The following MGAT1 variants were observed in gnomAD, a reference collection of about 807,000 sequenced individuals.
MGAT1 encodes alpha-1,3-mannosyl-glycoprotein 2-beta-N-acetylglucosaminyltransferase, also known as N-glycosyl-oligosaccharide-glycoprotein N-acetylglucosaminyltransferase I.
A neutral mutation model predicts 31.7 loss-of-function variants in MGAT1; 14 were observed. The observed-to-expected ratio is 0.44, with a 90% confidence interval of 0.29 to 0.69. The LOEUF is 0.69. Ranked by LOEUF, MGAT1 falls within the 30% of genes least tolerant of loss-of-function variation. The probability of loss-of-function intolerance (pLI) is 0.12; values close to 1 mark genes in which losing one functional copy is unlikely to be tolerated. For synonymous variants in MGAT1, 338 were observed against 276.0 expected, an observed-to-expected ratio of 1.22 and a Z score of -2.23; for missense variants, 557 against 626.0, an observed-to-expected ratio of 0.89 and a Z score of 1.18.
Position 180,808,017 on chromosome 5 carries a change from T to A in MGAT1, c.-127+631A>T, listed in dbSNP as rs576161215. On this transcript the variant is annotated intron_variant, in intron 2 of 2. Transcript: ENST00000333055. Reference sequence around the variant, plus strand: ...CTTGTAAGGGACCTGGAAAGTCAGTTTTCCCCCATTTTGTAGGTGAAGAGA... The same window carrying A: ...CTTGTAAGGGACCTGGAAAGTCAGTATTCCCCCATTTTGTAGGTGAAGAGA... Among the ~76,000 whole-genome samples, 4 of 152,342 alleles carry A rather than the reference T, an allele frequency of 2.6e-5. No homozygotes were observed. In the East Asian group the frequency reaches 7.7e-4, roughly 29 times the overall value.
chr5:180,809,168 C>G (rs1772259194), intron 1 of MGAT1: 1 of 152,190 alleles, frequency 6.6e-6, no homozygotes, highest in Non-Finnish European at 1.5e-5. Flanking sequence ...ACCTAAGAGT[C>G]CATACTAGGC....
intron 1 of MGAT1, among the ~76,000 whole-genome samples, chr5:180,793,961 CAAAAATCCCAAT>C (rs1447712175): frequency 1.3e-5 from 2 of 152,104 alleles, no homozygotes; most frequent in Non-Finnish European, 2.9e-5. Context: ...TCAGCATCAT[CAAAAATCCCAAT>C]AAAAATACCT....
Position 180,792,425 on chromosome 5 carries a change from A to G in MGAT1, c.547T>C (p.Tyr183His). The change falls in exon 2 of 2, where the codon TAC becomes CAC. Residue 183 changes from tyrosine to histidine, a missense_variant. Physicochemically the swap from Tyr to His is moderately conservative, Grantham distance 83. Coordinates refer to ENST00000307826, the MANE Select transcript of MGAT1 (RefSeq NM_002406.4). ...CAGCGGTAGTGGCGCGCGATCTTGTAGTAGCCCTGGAACTTGCGGTGGTCC... is the reference window on the plus strand; with the variant it reads ...CAGCGGTAGTGGCGCGCGATCTTGTGGTAGCCCTGGAACTTGCGGTGGTCC... ...PPDHRKFQGY[Y>H]KIARHYRWAL... 5.0e-6 allele frequency: 8 copies of G among 1,611,704 alleles called. No individual in the cohort carries two copies. The highest frequency in any genetic ancestry group is 6.8e-6 in the Non-Finnish European group (8 of 1,178,790).
At chr5:180,809,473 A>C (rs1772301162) in intron 1 of MGAT1, 1 of 152,038 alleles carries the variant, frequency 6.6e-6, no homozygotes, top group Non-Finnish European at 1.5e-5. Context: ...GAATCTCCCA[A>C]GCTTCTTAGG....
rs1278718894 is a variant in MGAT1 at position 180,790,566 on chromosome 5, T to C, written c.*1068A>G. ...TATTTTTCAGACAATTCAGCCTTTA[T>C]TTTAGAAAATAATTCTGTAGCTTCC... On this transcript the variant is annotated 3_prime_UTR_variant, in exon 2 of 2. Transcript: ENST00000307826. The C allele has an allele frequency of 2.0e-5, 3 of 152,310 alleles. No individual in the cohort carries two copies. The highest frequency in any genetic ancestry group is 6.5e-5 in the Admixed American group (1 of 15,292). 9.4% of individuals were successfully genotyped at this position (152,310 alleles called of 1,614,324 possible).
chr5:180,798,604 T>C (rs957185776), intron 1 of MGAT1, among the ~76,000 whole-genome samples: 11 of 152,240 alleles, frequency 7.2e-5, no homozygotes, highest in Admixed American at 1.3e-4. Context: ...CCACAGTTCC[T>C]CAACTGTAAC....
chr5:180,810,394 T>C (rs1195510335), intron 1 of MGAT1: 1 of 151,934 alleles, frequency 6.6e-6, no homozygotes, highest in African/African-American at 2.4e-5. Flanking sequence ...CAGAACCAGG[T>C]TGTGAGAAGG....
At position 180,787,085 on chromosome 5, in the gene MGAT1, T is replaced by C. The variant is rs1767616661; in HGVS notation, c.*4549A>G. On this transcript the variant is annotated 3_prime_UTR_variant, in exon 2 of 2. Coordinates refer to ENST00000307826, the MANE Select transcript of MGAT1 (RefSeq NM_002406.4). ...CCAGGCTTTACTCACAATGCAGCCA[T>C]ACGGATTAATCCCACAGCCACCACA... 6.6e-6 allele frequency: 1 copy of C among 152,152 alleles called. No homozygotes were observed. Among genetic ancestry groups the C allele is most frequent in the Non-Finnish European group, 1.5e-5 (1 of 68,046 alleles). 9.4% of individuals were successfully genotyped at this position (152,152 alleles called of 1,614,324 possible).
chr5:180,815,197 T>G (rs1007278765), intron 1 of MGAT1, among the ~76,000 whole-genome samples: 1 of 152,082 alleles, frequency 6.6e-6, no homozygotes, highest in African/African-American at 2.4e-5. Flanking sequence ...CCGCCAGTTC[T>G]CCCATGATGA....
chr5:180,814,872 C>T (rs1215559992), intron 1 of MGAT1, among the ~76,000 whole-genome samples: 1 of 150,326 alleles, frequency 6.7e-6, no homozygotes, highest in Admixed American at 6.6e-5. Context: ...CCCGGGGGGG[C>T]GGTGGTTGCA....
At chr5:180,803,123 G>C (rs925717985), upstream of MGAT1, among the ~76,000 whole-genome samples, 1 of 152,134 alleles carries the variant, frequency 6.6e-6, no homozygotes, top group Non-Finnish European at 1.5e-5. Flanking sequence ...CGCGCCTGAA[G>C]TGGGCCCGCA....
intron 2 of MGAT1, chr5:180,808,566 T>C (rs1341288445): frequency 6.6e-6 from 1 of 152,272 alleles, no homozygotes; most frequent in Non-Finnish European, 1.5e-5. Context: ...TCCTGAATAG[T>C]AGCCTCCGCG....
rs138573383 is a variant in MGAT1 at position 180,798,981 on chromosome 5, A to C, written c.-127+3699T>G. On this transcript the variant is annotated intron_variant, in intron 1 of 1. Transcript: ENST00000307826. The stretch of plus-strand genomic sequence containing the variant: ...CCCTCCAGCCCTTTAACCTGAACTC[A>C]TTCCTTCGTAGGAAACACTGTTTTA... Among the ~76,000 whole-genome samples, 813 of 152,292 alleles carry C rather than the reference A, an allele frequency of 5.3e-3. 2 individuals carry two copies. Among genetic ancestry groups the C allele is most frequent in the Non-Finnish European group, 9.7e-3 (660 of 68,024 alleles).
At chr5:180,800,305 T>G (rs1223719010) in intron 1 of MGAT1, among the ~76,000 whole-genome samples, 1 of 152,220 alleles carries the variant, frequency 6.6e-6, no homozygotes, top group Non-Finnish European at 1.5e-5. Context: ...ACCTCGATAT[T>G]TAGTGGCTTA....
rs1767747762 is a variant in MGAT1 at position 180,788,692 on chromosome 5, T to TCAG, written c.*2941_*2942insCTG. ...TAAGTTGGTACTTATCCTGGAGCAC[T>TCAG]AAGTAAGTTGGTACTTATCCTGGAG... On this transcript the variant is annotated 3_prime_UTR_variant, in exon 2 of 2. Transcript: ENST00000307826. 2 of 147,286 alleles carry TCAG rather than the reference T, an allele frequency of 1.4e-5. No homozygotes were observed. 9.1% of individuals were successfully genotyped at this position (147,286 alleles called of 1,614,324 possible).
intron 1 of MGAT1, among the ~76,000 whole-genome samples, chr5:180,812,188 G>A (rs1227053055): frequency 1.3e-5 from 2 of 152,212 alleles, no homozygotes; most frequent in African/African-American, 4.8e-5. Context: ...GCTGGCCCAT[G>A]GTAGCAGCTC....
intron 1 of MGAT1, chr5:180,811,094 T>A (rs1033643435): frequency 1.3e-5 from 2 of 152,158 alleles, no homozygotes; most frequent in Non-Finnish European, 2.9e-5. Context: ...CCGCTACTCG[T>A]TTTTGAAGTT....
chr5:180,801,475 C>T (rs1383086544), intron 1 of MGAT1, among the ~76,000 whole-genome samples: 1 of 152,038 alleles, frequency 6.6e-6, no homozygotes, highest in Non-Finnish European at 1.5e-5. Flanking sequence ...TGTACCAGGC[C>T]CATAATTTCA....
Position 180,802,804 on chromosome 5 carries a change from T to G in MGAT1, c.-251A>C, listed in dbSNP as rs1418789396. ...CGCCTTTCGACTCGCCAGCCCTTTC[T>G]GCGGCGCGCCGGGGCCGGACGGCCG... On this transcript the variant is annotated 5_prime_UTR_variant, in exon 1 of 2. Coordinates refer to ENST00000307826, the MANE Select transcript of MGAT1 (RefSeq NM_002406.4). 6.6e-6 allele frequency: 1 copy of G among 151,356 alleles called. No individual in the cohort carries two copies. The highest frequency in any genetic ancestry group is 2.0e-4 in the East Asian group (1 of 5,074). 9.4% of individuals were successfully genotyped at this position (151,356 alleles called of 1,614,324 possible).
Sources: gnomAD v4.1 joint callset for allele counts (sites outside exome capture counted in the v4.1 genomes callset) on GRCh38, gnomAD v4.1.1 for gene constraint, MANE v1.5 for transcripts, NCBI Gene and HGNC (gene_info 2026-07-23, HGNC 2026-07-21) for gene names.